Variants in TMEM131 observed in about 807,000 individuals in gnomAD.
TMEM131 encodes the protein transmembrane protein 131.
In TMEM131, 66 loss-of-function variants were observed where a neutral mutation model predicts 211.6. The ratio of observed to expected loss-of-function variants is 0.31; its 90% confidence interval spans 0.26 to 0.38. TMEM131 has a LOEUF of 0.38. Among genes scored for constraint, TMEM131 ranks in the 10% least tolerant of loss-of-function variants. TMEM131 has a pLI of 1.00. For missense variants in TMEM131, 2,036 were observed against 2,299.3 expected (o/e 0.89, Z 2.34); for synonymous variants, 844 against 841.3 (o/e 1.00, Z -0.06).
At position 97,793,405 on chromosome 2, in the gene TMEM131, A is replaced by G; in HGVS notation, c.3535T>C (p.Ser1179Pro). Residue 1179 changes from serine to proline, a missense_variant, in exon 30 of 41, where the codon TCT becomes CCT. Transcript: ENST00000186436. The part of the protein sequence containing the change: ...FDLRRIVGIS[S>P]EGNLNTLSCD... ...AGCATGTGAACATACTTTCCTTCAG[A>G]TGAAATACCAACGATTCTCCTGAGA... The G allele has an allele frequency of 1.2e-6, 2 of 1,612,734 alleles. No individual in the cohort carries two copies. The highest frequency in any genetic ancestry group is 1.7e-6 in the Non-Finnish European group (2 of 1,179,030).
At chr2:97,760,554 C>A in intron 38 of TMEM131, 39 bp downstream of exon 38, 1 of 1,565,936 alleles carries the variant, frequency 6.4e-7, no homozygotes, top group Non-Finnish European at 8.7e-7. Flanking sequence ...ACTTGAGAAG[C>A]CTTCCGTCTT....
chr2:97,819,948 GGAGA>G (rs995511579), intron 11 of TMEM131, among the ~76,000 whole-genome samples: 13 of 152,208 alleles, frequency 8.5e-5, no homozygotes, highest in Non-Finnish European at 1.5e-4. Context: ...AGAAGAGCAT[GGAGA>G]GAGAGAATGA....
chr2:97,965,497 T>C (rs1230170453), intron 1 of TMEM131, among the ~76,000 whole-genome samples: 1 of 152,096 alleles, frequency 6.6e-6, no homozygotes, highest in Non-Finnish European at 1.5e-5. Flanking sequence ...GTGGGGCTGG[T>C]TTCTCCAACA....
chr2:97,760,790 G>T lies in TMEM131; in HGVS notation c.5011+3C>A. Reference sequence around the variant, plus strand: ...GGCAGGTCTCTGAAGCAAAGGCACTGACCTGGGCTCTTGTCGTAGCCAGCC... The same window carrying T: ...GGCAGGTCTCTGAAGCAAAGGCACTTACCTGGGCTCTTGTCGTAGCCAGCC... On this transcript the variant is annotated splice_donor_region_variant and intron_variant, in intron 37 of 40. Transcript: ENST00000186436. The T allele has an allele frequency of 6.2e-7, 1 of 1,614,034 alleles. No homozygotes were observed. Among genetic ancestry groups the T allele is most frequent in the South Asian group, 1.1e-5 (1 of 91,070 alleles).
chr2:97,884,925 A>G (rs1675079778), intron 4 of TMEM131, among the ~76,000 whole-genome samples: 1 of 152,232 alleles, frequency 6.6e-6, no homozygotes, highest in Admixed American at 6.5e-5. Flanking sequence ...ATTGATAGGT[A>G]AAGACTTGTT....
In TMEM131 at chr2:97,758,927, G is replaced by A; in HGVS notation, c.5333C>T (p.Pro1778Leu). The A allele has an allele frequency of 6.2e-7, 1 of 1,613,736 alleles. No individual in the cohort carries two copies. Reference protein sequence around the residue: ...SPATDPSPSWPASSGSPTHTA... With the variant: ...SPATDPSPSWLASSGSPTHTA... Reference sequence around the variant, plus strand: ...GTGGGTCGGGGAGCCGGAACTGGCTGGCCAGGAAGGACTGGGATCTGTCGC... The same window carrying A: ...GTGGGTCGGGGAGCCGGAACTGGCTAGCCAGGAAGGACTGGGATCTGTCGC... The change falls in exon 40 of 41, where the codon CCA (proline) becomes CTA (leucine). Residue 1778 changes from proline (P) to leucine (L), a missense_variant. Around this residue, in one of 3 missense-constraint regions of TMEM131, gnomAD observed 1,623 missense variants for 1,805.9 expected, o/e 0.90. Transcript: ENST00000186436.
chr2:97,812,434 G>A lies in TMEM131; in HGVS notation c.1850C>T (p.Ser617Leu), dbSNP rs1160873864. The A allele has an allele frequency of 7.5e-6, 12 of 1,607,960 alleles. No individual in the cohort carries two copies. The highest frequency in any genetic ancestry group is 9.3e-6 in the Non-Finnish European group (11 of 1,178,350). ...AAGTTTACTTACCGATGATTGATCT[G>A]ATAAAGAGGATTTTTCAAACTCTGG... is the stretch of plus-strand genomic sequence containing the variant. ...SLPEFEKSSL[S>L]DQSSVTLASG... The change falls in exon 17 of 41, where the codon TCA becomes TTA. Residue 617 changes from serine to leucine, a missense_variant. By Grantham distance (145) the Ser-to-Leu change is moderately radical (BLOSUM62 -2). This residue lies in a region of TMEM131 where 1,623 missense variants were observed against 1,805.9 expected (regional missense o/e 0.90). Transcript: ENST00000186436.
chr2:97,846,906 C>T lies in TMEM131; in HGVS notation c.484-2645G>A, dbSNP rs1045385197. 9.2e-5 allele frequency among the ~76,000 whole-genome samples: 14 copies of T among 152,122 alleles called. 1 individual carries two copies. The highest frequency in any genetic ancestry group is 3.1e-4 in the African/African-American group (13 of 41,440). ...GTATTGGACGTGCAAAGAGGGCCGG[C>T]GCGGTGGCTCACGCCTGTAATCCCA... On this transcript the variant is annotated intron_variant, in intron 5 of 40. Transcript: ENST00000186436.
rs147833375 is a variant in TMEM131 at position 97,910,779 on chromosome 2, T to C, written c.250-2081A>G. Among the ~76,000 whole-genome samples the C allele has an allele frequency of 6.3e-3, 953 of 152,332 alleles. 15 individuals carry two copies. The highest frequency in any genetic ancestry group is 0.02 in the African/African-American group (830 of 41,582). Reference sequence around the variant, plus strand: ...ATAAATGTCATTATTTCTGAGGCCTTTGTTCTGTTCCATTGGTCTACATAC... The same window carrying C: ...ATAAATGTCATTATTTCTGAGGCCTCTGTTCTGTTCCATTGGTCTACATAC... On this transcript the variant is annotated intron_variant, in intron 2 of 40. Transcript: ENST00000186436.
At chr2:97,923,967 C>T (rs996609913) in intron 2 of TMEM131, among the ~76,000 whole-genome samples, 4 of 152,090 alleles carry the variant, frequency 2.6e-5, no homozygotes, top group African/African-American at 9.7e-5. Context: ...GTAGTCCCAG[C>T]TACTCAAGAG....
intron 5 of TMEM131, among the ~76,000 whole-genome samples, chr2:97,853,434 A>T (rs1425574378): frequency 2.6e-4 from 5 of 19,216 alleles, no homozygotes; most frequent in African/African-American, 1.0e-3. Flanking sequence ...ATCTCTACTA[A>T]AAAAAAAAAA....
chr2:97,930,427 T>A (rs7420786), intron 1 of TMEM131, among the ~76,000 whole-genome samples: 1 of 151,814 alleles, frequency 6.6e-6, no homozygotes, highest in African/African-American at 2.4e-5. Context: ...TTATGAATTA[T>A]GAATTCATAT....
rs903302844 is a variant in TMEM131 at position 97,872,485 on chromosome 2, C to T, written c.360-13058G>A. On this transcript the variant is annotated intron_variant, in intron 4 of 40. Transcript: ENST00000186436. ...AAAAACCAATTGCTGGCAAGATGGC[C>T]GAACAGGAACAGCTCCAGTCTGCGG... Among the ~76,000 whole-genome samples, 11 of 152,230 alleles carry T rather than the reference C, an allele frequency of 7.2e-5. No individual in the cohort carries two copies. In the East Asian group the frequency reaches 1.2e-3, roughly 16 times the overall value.
intron 1 of TMEM131, among the ~76,000 whole-genome samples, chr2:97,975,872 GCAAACAAA>G (rs758060470): frequency 2.7e-5 from 4 of 147,356 alleles, no homozygotes. Context: ...CTAAGTCTTA[GCAAACAAA>G]CAAACAAACA....
intron 11 of TMEM131, among the ~76,000 whole-genome samples, chr2:97,824,364 C>A (rs1401069681): frequency 6.6e-6 from 1 of 152,232 alleles, no homozygotes; most frequent in African/African-American, 2.4e-5. Context: ...TTGACTTCCA[C>A]CTGGACACTG....
intron 19 of TMEM131, among the ~76,000 whole-genome samples, chr2:97,808,739 T>G (rs1681421358): frequency 6.6e-6 from 1 of 152,204 alleles, no homozygotes; most frequent in Non-Finnish European, 1.5e-5. Flanking sequence ...AGGAAATATT[T>G]ATAGCACAAT....
At chr2:97,965,603 G>A (rs1679023024) in intron 1 of TMEM131, among the ~76,000 whole-genome samples, 1 of 152,114 alleles carries the variant, frequency 6.6e-6, no homozygotes, top group African/African-American at 2.4e-5. Context: ...TGGACACCAG[G>A]AATGATGAAT....
intron 31 of TMEM131, among the ~76,000 whole-genome samples, chr2:97,785,471 G>A (rs543917188): frequency 6.6e-6 from 1 of 152,038 alleles, no homozygotes; most frequent in African/African-American, 2.4e-5. Flanking sequence ...ACCACAAAGA[G>A]GTATCACTAC....
intron 3 of TMEM131, among the ~76,000 whole-genome samples, chr2:97,906,360 TCA>T (rs1676068069): frequency 6.6e-6 from 1 of 152,150 alleles, no homozygotes; most frequent in Non-Finnish European, 1.5e-5. Context: ...ATGATCCTGG[TCA>T]CACACACACA....
Sources: gnomAD v4.1 joint callset for allele counts (sites outside exome capture counted in the v4.1 genomes callset) on GRCh38, gnomAD v4.1.1 for gene constraint, gnomAD v4.1.1 regional missense constraint, MANE v1.5 for transcripts, NCBI Gene and HGNC (gene_info 2026-07-23, HGNC 2026-07-21) for gene names.